The following TERB2 variants were observed in gnomAD, a reference collection of about 807,000 sequenced individuals.
TERB2 encodes telomere repeat binding bouquet formation protein 2, also known as telomere repeats-binding bouquet formation protein 2.
Under a neutral mutation model 29.8 loss-of-function variants are expected in TERB2, and 26 were observed. That is an observed-to-expected ratio of 0.87 (90% CI 0.64 to 1.21). The LOEUF (loss-of-function observed/expected upper bound fraction) is 1.21. Ranked by LOEUF, TERB2 falls within the 50% of genes most tolerant of loss-of-function variation. The pLI is 0.00. For missense variants in TERB2, 240 were observed against 268.6 expected (o/e 0.89, Z 0.74); for synonymous variants, 80 against 90.8 (o/e 0.88, Z 0.68).
chr15:44,964,101 G>T (rs1891849233), intron 4 of TERB2, among the ~76,000 whole-genome samples: 1 of 152,064 alleles, frequency 6.6e-6, no homozygotes, highest in African/African-American at 2.4e-5. Flanking sequence ...GAGCCACTGT[G>T]CCTGGCCTAT....
chr15:44,971,769 T>C (rs1041564101), intron 5 of TERB2, among the ~76,000 whole-genome samples: 1 of 150,908 alleles, frequency 6.6e-6, no homozygotes. Flanking sequence ...AAAAAAAAAA[T>C]AGTAAAATAA....
At chr15:44,968,910 CTTAT>C (rs1891928314) in intron 5 of TERB2, among the ~76,000 whole-genome samples, 1 of 151,500 alleles carries the variant, frequency 6.6e-6, no homozygotes, top group African/African-American at 2.4e-5. Flanking sequence ...TCTTAAACAC[CTTAT>C]TTATTTACTT....
At chr15:44,974,298 G>A (rs1892012412) in intron 6 of TERB2, among the ~76,000 whole-genome samples, 1 of 152,112 alleles carries the variant, frequency 6.6e-6, no homozygotes. Flanking sequence ...TCCAATCAGA[G>A]TTTCTTTTGA....
intron 4 of TERB2, among the ~76,000 whole-genome samples, chr15:44,963,527 A>G (rs934433697): frequency 2.1e-4 from 32 of 152,228 alleles, no homozygotes; most frequent in Admixed American, 6.5e-4. Context: ...TATAAAAGAC[A>G]TTTGGAGAGC....
intron 4 of TERB2, among the ~76,000 whole-genome samples, chr15:44,965,918 T>C (rs1308955864): frequency 1.3e-5 from 2 of 152,020 alleles, no homozygotes; most frequent in Non-Finnish European, 2.9e-5. Context: ...ACAGCTGGTA[T>C]ATTTAAAATT....
chr15:44,965,430 TTATAAATA>T (rs1891871004), intron 4 of TERB2, among the ~76,000 whole-genome samples: 1 of 143,698 alleles, frequency 7.0e-6, no homozygotes, highest in East Asian at 2.0e-4. Context: ...TTTTATACCT[TTATAAATA>T]TATAAATATA....
intron 4 of TERB2, chr15:44,962,768 T>G (rs189926198): frequency 6.6e-6 from 1 of 152,196 alleles, no homozygotes; most frequent in Non-Finnish European, 1.5e-5. Flanking sequence ...TTGGGAACAA[T>G]TGAGCATTAA....
chr15:44,977,577 G>A (rs16976491), intron 6 of TERB2, among the ~76,000 whole-genome samples: 4,522 of 152,200 alleles, frequency 0.03, 226 homozygotes, highest in African/African-American at 0.1. Flanking sequence ...AGCTCCTAAA[G>A]TAAATGACCA....
At chr15:44,969,936 TAATCAA>T (rs934270335) in intron 5 of TERB2, 2 of 151,918 alleles carry the variant, frequency 1.3e-5, no homozygotes, top group Admixed American at 6.5e-5. Flanking sequence ...TACAAAATTT[TAATCAA>T]AATCTACGTT....
chr15:44,973,812 A>C, intron 5 of TERB2, 55 bp from the exon 6 acceptor site: 2 of 1,224,152 alleles, frequency 1.6e-6, no homozygotes, highest in Non-Finnish European at 2.1e-6. Flanking sequence ...AATGTAATAC[A>C]TATAGACATA....
At chr15:44,965,304 G>T (rs1364852269) in intron 4 of TERB2, among the ~76,000 whole-genome samples, 1 of 147,658 alleles carries the variant, frequency 6.8e-6, no homozygotes, top group Non-Finnish European at 1.5e-5. Flanking sequence ...CATATGTTTA[G>T]TTATTTTGTA....
chr15:44,962,327 G>A (rs11453468), intron 4 of TERB2, among the ~76,000 whole-genome samples: 7,093 of 151,216 alleles, frequency 0.047, 238 homozygotes, highest in South Asian at 0.095. Context: ...GACCACGGGC[G>A]CCAGCCACCA....
intron 6 of TERB2, among the ~76,000 whole-genome samples, chr15:44,975,312 C>T (rs1457759962): frequency 1.3e-5 from 2 of 151,816 alleles, no homozygotes; most frequent in Non-Finnish European, 1.5e-5. Flanking sequence ...ATGACAAATA[C>T]TTCTCTTTTT....
At position 44,978,480 on chromosome 15, in the gene TERB2, A is replaced by T. The variant is rs1451487616; in HGVS notation, c.524-9A>T. On this transcript the variant is annotated splice_polypyrimidine_tract_variant and intron_variant, in intron 6 of 6. Transcript: ENST00000340827. ...AAGTATATATCTTTTTTTAAATTTTATTTTGTAGGTTATATATCAATTGAT... is the reference window on the plus strand; with the variant it reads ...AAGTATATATCTTTTTTTAAATTTTTTTTTGTAGGTTATATATCAATTGAT... The T allele has an allele frequency of 6.4e-7, 1 of 1,569,532 alleles. No individual in the cohort carries two copies. Among genetic ancestry groups the T allele is most frequent in the Admixed American group, 1.9e-5 (1 of 52,306 alleles).
chr15:44,970,639 A>C (rs916983142), intron 5 of TERB2: 8 of 166,524 alleles, frequency 4.8e-5, no homozygotes, highest in African/African-American at 1.9e-4. Flanking sequence ...CTATTTTGAG[A>C]TCGTTACCTT....
chr15:44,961,582 A>G lies in TERB2; in HGVS notation c.346A>G (p.Lys116Glu). The G allele has an allele frequency of 1.9e-6, 3 of 1,586,432 alleles. No individual in the cohort carries two copies. The highest frequency in any genetic ancestry group is 2.6e-6 in the Non-Finnish European group (3 of 1,165,090). Residue 116 changes from lysine to glutamate, a missense_variant and splice_region_variant, in exon 4 of 7, where the codon AAG becomes GAG. By Grantham distance (56) the Lys-to-Glu change is moderately conservative. Transcript: ENST00000340827. The stretch of plus-strand genomic sequence containing the variant: ...ACAAGACCAACATTTTCTGATAGAA[A>G]AGGTAAGAGTAAATTAAGGTACTTG... ...WEQDQHFLIEKHDEVTPNEIK... is the reference protein window; with the variant it reads ...WEQDQHFLIEEHDEVTPNEIK...
At chr15:44,973,704 T>C (rs1190568874) in intron 5 of TERB2, 163 bp from the exon 6 acceptor site, 5 of 465,700 alleles carry the variant, frequency 1.1e-5, no homozygotes, top group Non-Finnish European at 1.5e-5. Context: ...AGTTCTTACT[T>C]GTAAAACAAA....
chr15:44,972,294 A>C (rs1243642647), intron 5 of TERB2, among the ~76,000 whole-genome samples: 1 of 151,964 alleles, frequency 6.6e-6, no homozygotes, highest in Admixed American at 6.6e-5. Flanking sequence ...CCAGGCCTTA[A>C]AAATGGAAAA....
At chr15:44,976,736 C>T (rs1892052644) in intron 6 of TERB2, among the ~76,000 whole-genome samples, 1 of 152,118 alleles carries the variant, frequency 6.6e-6, no homozygotes, top group Non-Finnish European at 1.5e-5. Context: ...TCCCTTCTCC[C>T]TCCCAATTTA....
Sources: allele counts gnomAD v4.1 joint callset (sites outside exome capture counted in the v4.1 genomes callset), GRCh38; gene constraint gnomAD v4.1.1; transcripts MANE v1.5; gene names NCBI Gene and HGNC (gene_info 2026-07-23, HGNC 2026-07-21).